Variants in PTPDC1 observed in about 807,000 individuals in gnomAD.
The protein encoded by PTPDC1 is protein tyrosine phosphatase domain containing 1.
In PTPDC1, 53 loss-of-function variants were observed where a neutral mutation model predicts 75.3. The observed-to-expected ratio is 0.70, with a 90% CI of 0.56 to 0.88. PTPDC1 has a LOEUF of 0.88. Among genes scored for constraint, PTPDC1 ranks in the 40% least tolerant of loss-of-function variants. PTPDC1 has a pLI of 0.00. For missense variants in PTPDC1, 925 were observed against 998.6 expected (o/e 0.93, Z 0.99); for synonymous variants, 349 against 366.2 (o/e 0.95, Z 0.54).
intron 6 of PTPDC1, 198 bp from the exon 7 acceptor site, chr9:94,101,368 G>T (rs573481257): frequency 3.1e-4 from 136 of 443,056 alleles, no homozygotes; most frequent in East Asian, 1.7e-3. Context: ...AGAAACTGGG[G>T]CTTACAGAAT....
upstream of PTPDC1, chr9:94,084,403 C>G (rs1826987750): frequency 2.1e-6 from 3 of 1,432,666 alleles, no homozygotes; most frequent in Non-Finnish European, 2.8e-6. Context: ...GCCATGGAAA[C>G]CAGTCAGCCA....
chr9:94,095,601 A>AC, intron 5 of PTPDC1, 147 bp downstream of exon 5: 1 of 633,676 alleles, frequency 1.6e-6, no homozygotes, highest in Non-Finnish European at 2.7e-6. Flanking sequence ...AGTGTTCTGT[A>AC]CCACTGTAGG....
chr9:94,101,810 GAA>G, intron 7 of PTPDC1, 59 bp downstream of exon 7: 1 of 825,328 alleles, frequency 1.2e-6, no homozygotes, highest in Non-Finnish European at 1.7e-6. Context: ...TTTTCACGCA[GAA>G]AAAAAAAATC....
chr9:94,038,298 C>T, intron 1 of PTPDC1: 1 of 731,356 alleles, frequency 1.4e-6, no homozygotes, highest in Non-Finnish European at 2.5e-6. Flanking sequence ...AAGAAGAAGG[C>T]AGAAAGAAAA....
At chr9:94,069,612 C>T (rs1826441534) in intron 2 of PTPDC1, among the ~76,000 whole-genome samples, 1 of 151,010 alleles carries the variant, frequency 6.6e-6, no homozygotes, top group African/African-American at 2.4e-5. Flanking sequence ...CCTCCGCCTC[C>T]TCTGTTTAAG....
At chr9:94,097,089 T>C (rs1827600233) in intron 5 of PTPDC1, among the ~76,000 whole-genome samples, 1 of 152,154 alleles carries the variant, frequency 6.6e-6, no homozygotes, top group South Asian at 2.1e-4. Context: ...GACTCAGTCA[T>C]GGGGAGGCGG....
intron 4 of PTPDC1, among the ~76,000 whole-genome samples, chr9:94,093,454 G>A (rs1322241857): frequency 2.7e-5 from 4 of 146,340 alleles, no homozygotes; most frequent in African/African-American, 7.6e-5. Context: ...CGAGAGATCC[G>A]CTGTTAGTCT....
chr9:94,035,240 C>T (rs934088027), intron 1 of PTPDC1, among the ~76,000 whole-genome samples: 1 of 152,108 alleles, frequency 6.6e-6, no homozygotes, highest in Non-Finnish European at 1.5e-5. Flanking sequence ...CTATATTCAC[C>T]ACACTGTGCA....
chr9:94,064,757 G>A, exon 2 of PTPDC1: 1 of 1,613,478 alleles, frequency 6.2e-7, no homozygotes, highest in Non-Finnish European at 8.5e-7. Context: ...CAGGAGTCTT[G>A]CCTCAGAATG....
intron 2 of PTPDC1, among the ~76,000 whole-genome samples, chr9:94,077,563 G>A (rs1429518639): frequency 6.6e-6 from 1 of 152,172 alleles, no homozygotes; most frequent in Non-Finnish European, 1.5e-5. Flanking sequence ...TACAAAGGAT[G>A]GAGATGAAGA....
At chr9:94,056,905 A>C (rs1397627451) in intron 1 of PTPDC1, among the ~76,000 whole-genome samples, 1 of 152,180 alleles carries the variant, frequency 6.6e-6, no homozygotes, top group African/African-American at 2.4e-5. Context: ...AAACTGTAGG[A>C]CTGAGTGAGA....
Position 94,095,300 on chromosome 9 carries a change from C to G in PTPDC1, c.617-17C>G, listed in dbSNP as rs770313497. ...TTTCCTGTATGTTGATTTTCTTTTCCTTTTCTTTTTTCCTAGTTTACTTCT... is the reference window on the plus strand; with the variant it reads ...TTTCCTGTATGTTGATTTTCTTTTCGTTTTCTTTTTTCCTAGTTTACTTCT... On this transcript the variant is annotated splice_polypyrimidine_tract_variant and intron_variant, in intron 4 of 8. Coordinates refer to ENST00000620992, the MANE Select transcript of PTPDC1 (RefSeq NM_001253829.2). 1.3e-5 allele frequency: 20 copies of G among 1,585,970 alleles called. No homozygotes were observed. The highest frequency in any genetic ancestry group is 1.7e-5 in the Non-Finnish European group (20 of 1,164,398).
At chr9:94,059,734 TG>T (rs1826069702) in intron 1 of PTPDC1, among the ~76,000 whole-genome samples, 1 of 152,176 alleles carries the variant, frequency 6.6e-6, no homozygotes, top group Admixed American at 6.6e-5. Context: ...AAACTTGGCT[TG>T]GGGGGATAGA....
chr9:94,106,164 G>GA (rs1420653114), intron 8 of PTPDC1, among the ~76,000 whole-genome samples: 1 of 152,130 alleles, frequency 6.6e-6, no homozygotes, highest in Non-Finnish European at 1.5e-5. Context: ...GGATACGAAT[G>GA]AAAAGTTAGA....
chr9:94,091,005 T>C (rs1827294557), intron 4 of PTPDC1, among the ~76,000 whole-genome samples: 1 of 152,200 alleles, frequency 6.6e-6, no homozygotes. Flanking sequence ...GTTTTCTAGA[T>C]ATACAATCAT....
chr9:94,088,278 C>T lies in PTPDC1; in HGVS notation c.616+15C>T. The T allele has an allele frequency of 6.2e-7, 1 of 1,612,094 alleles. No individual in the cohort carries two copies. The highest frequency in any genetic ancestry group is 8.5e-7 in the Non-Finnish European group (1 of 1,179,342). On this transcript the variant is annotated intron_variant, in intron 4 of 8. Transcript: ENST00000620992. ...GGAGGCTGGCAGTAAGTTCCTCCCA[C>T]CCTCCTCTCATGAATTATCAAGGGC...
At chr9:94,057,292 C>G (rs922817318) in intron 1 of PTPDC1, among the ~76,000 whole-genome samples, 1 of 151,876 alleles carries the variant, frequency 6.6e-6, no homozygotes, top group Non-Finnish European at 1.5e-5. Flanking sequence ...CCATCTTGCC[C>G]AAACTGGTTT....
At chr9:94,074,199 A>T (rs1189561149) in intron 2 of PTPDC1, among the ~76,000 whole-genome samples, 1 of 152,148 alleles carries the variant, frequency 6.6e-6, no homozygotes, top group African/African-American at 2.4e-5. Context: ...GCCAGGAGCC[A>T]GGTGAGTGTA....
chr9:94,088,015 G>C (rs1827139250), intron 3 of PTPDC1, 104 bp downstream of exon 3: 1 of 1,435,334 alleles, frequency 7.0e-7, no homozygotes, highest in Middle Eastern at 1.8e-4. Context: ...ACAATAGGCA[G>C]TGAAGAGTGT....
Sources: allele counts gnomAD v4.1 joint callset (sites outside exome capture counted in the v4.1 genomes callset), GRCh38; gene constraint gnomAD v4.1.1; transcripts MANE v1.5; gene names NCBI Gene and HGNC (gene_info 2026-07-23, HGNC 2026-07-21).